RAB11FIP4: variants seen among roughly 807,000 people sequenced by gnomAD.
RAB11FIP4 encodes the protein RAB11 family interacting protein 4.
RAB11FIP4 carries 23 observed loss-of-function variants against 74.3 expected under a neutral mutation model. The observed-to-expected ratio is 0.31, with a 90% CI of 0.22 to 0.44. The LOEUF is 0.44. Among genes scored for constraint, RAB11FIP4 ranks in the 20% least tolerant of loss-of-function variants. RAB11FIP4 has a pLI of 1.00. For missense variants in RAB11FIP4, 630 were observed against 863.9 expected (o/e 0.73, Z 3.39); for synonymous variants, 360 against 359.9 (o/e 1.00, Z 0.00).
Position 31,534,626 on chromosome 17 carries a change from C to T in RAB11FIP4, c.*2894C>T, listed in dbSNP as rs909973500. 2 of 152,126 alleles carry T rather than the reference C, an allele frequency of 1.3e-5. No individual in the cohort carries two copies. The highest frequency in any genetic ancestry group is 2.9e-5 in the Non-Finnish European group (2 of 68,016). The allele number at this position is 152,126 out of a possible 1,614,324, so 9.4% of individuals were successfully genotyped here. A position where few individuals can be genotyped will look rare whatever the true frequency, so the allele number is the denominator to read the frequency against. Reference sequence around the variant, plus strand: ...TGATTAGACTGAATCCTCAGACGTTCTGGTTTGATTGTTGTGGGTGTAGCC... The same window carrying T: ...TGATTAGACTGAATCCTCAGACGTTTTGGTTTGATTGTTGTGGGTGTAGCC... On this transcript the variant is annotated 3_prime_UTR_variant, in exon 15 of 15. Transcript: ENST00000621161.
chr17:31,508,600 T>G (rs1038416538), intron 3 of RAB11FIP4, among the ~76,000 whole-genome samples: 2 of 152,194 alleles, frequency 1.3e-5, no homozygotes, highest in African/African-American at 4.8e-5. Context: ...AGTGCCTGGG[T>G]GCACGCGGCC....
At chr17:31,495,446 C>T (rs1281887236) in intron 3 of RAB11FIP4, among the ~76,000 whole-genome samples, 1 of 146,418 alleles carries the variant, frequency 6.8e-6, no homozygotes, top group Admixed American at 7.2e-5. Flanking sequence ...ACAATCTTGG[C>T]TCACTGTAGC....
chr17:31,468,048 C>A (rs181420886), intron 3 of RAB11FIP4, among the ~76,000 whole-genome samples: 376 of 152,242 alleles, frequency 2.5e-3, no homozygotes, highest in African/African-American at 8.2e-3. Context: ...GTGAGCTGCG[C>A]TGGTCCATTG....
intron 3 of RAB11FIP4, chr17:31,488,237 C>T (rs1413882177): frequency 8.7e-6 from 10 of 1,154,960 alleles, no homozygotes; most frequent in Non-Finnish European, 1.1e-5. Flanking sequence ...GGGGAGCGGC[C>T]CGCGGATGCG....
chr17:31,503,380 T>G (rs1461911152), intron 3 of RAB11FIP4, among the ~76,000 whole-genome samples: 1 of 149,658 alleles, frequency 6.7e-6, no homozygotes, highest in East Asian at 1.9e-4. Flanking sequence ...AGTCACATTC[T>G]GAAGTACTAG....
chr17:31,434,012 G>A (rs36082230), intron 2 of RAB11FIP4, 22 bp from the exon 3 acceptor site: 152,204 of 1,566,960 alleles, frequency 0.097, 8,100 homozygotes, highest in Middle Eastern at 0.11. Context: ...TCACTGTCCC[G>A]TGTGTCTGCC....
intron 3 of RAB11FIP4, among the ~76,000 whole-genome samples, chr17:31,460,161 C>A (rs2071621153): frequency 6.6e-6 from 1 of 152,286 alleles, no homozygotes; most frequent in South Asian, 2.1e-4. Flanking sequence ...GTCTTTGGGT[C>A]TGGTGGAGGA....
chr17:31,439,650 G>C (rs1217949844), intron 3 of RAB11FIP4, among the ~76,000 whole-genome samples: 2 of 152,130 alleles, frequency 1.3e-5, no homozygotes, highest in East Asian at 3.9e-4. Context: ...TCGCTCTACT[G>C]CCCAGGCTGG....
At chr17:31,411,549 C>T (rs1331211715) in intron 1 of RAB11FIP4, among the ~76,000 whole-genome samples, 1 of 152,228 alleles carries the variant, frequency 6.6e-6, no homozygotes, top group Non-Finnish European at 1.5e-5. Flanking sequence ...TGCCACACGC[C>T]TGAGTCCTTT....
intron 1 of RAB11FIP4, among the ~76,000 whole-genome samples, chr17:31,403,132 G>C (rs7405606): frequency 0.82 from 112,023 of 137,384 alleles, 46,172 homozygotes; most frequent in African/African-American, 0.94. Context: ...TGGGTACTGC[G>C]CTGCCCTCAG....
In RAB11FIP4 at chr17:31,461,242, C is replaced by A. The variant is rs79572358; in HGVS notation, c.336+27120C>A. Among the ~76,000 whole-genome samples the A allele has an allele frequency of 1.5e-3, 223 of 152,294 alleles. 1 individual carries two copies. The highest frequency in any genetic ancestry group is 4.9e-3 in the African/African-American group (203 of 41,572). On this transcript the variant is annotated intron_variant, in intron 3 of 14. Coordinates refer to ENST00000621161, the MANE Select transcript of RAB11FIP4 (RefSeq NM_032932.6). ...TGAGGCAGAAAAGCCCCTCCACACG[C>A]ACAAGCCTGGGCCTGGCCTTGGACT...
At chr17:31,499,387 C>T (rs1342858030) in intron 3 of RAB11FIP4, among the ~76,000 whole-genome samples, 1 of 151,910 alleles carries the variant, frequency 6.6e-6, no homozygotes, top group Admixed American at 6.6e-5. Context: ...GATAGAGTTT[C>T]ACTCTGTCGC....
intron 3 of RAB11FIP4, among the ~76,000 whole-genome samples, chr17:31,478,533 C>A (rs1394343862): frequency 1.3e-5 from 2 of 152,186 alleles, no homozygotes; most frequent in Non-Finnish European, 1.5e-5. Flanking sequence ...AGAATTTCAC[C>A]GGCTGATTTG....
At chr17:31,499,732 T>C (rs2072183113) in intron 3 of RAB11FIP4, among the ~76,000 whole-genome samples, 2 of 152,164 alleles carry the variant, frequency 1.3e-5, no homozygotes, top group South Asian at 4.1e-4. Flanking sequence ...CAGAGCAGAC[T>C]GGCCACATGG....
intron 3 of RAB11FIP4, among the ~76,000 whole-genome samples, chr17:31,453,276 A>T (rs1024964891): frequency 6.9e-5 from 10 of 144,606 alleles, no homozygotes; most frequent in Non-Finnish European, 1.2e-4. Flanking sequence ...ACTTGAGCCT[A>T]GGAGGTTGAG....
chr17:31,478,622 C>T (rs921777946), intron 3 of RAB11FIP4, among the ~76,000 whole-genome samples: 1 of 152,194 alleles, frequency 6.6e-6, no homozygotes, highest in East Asian at 1.9e-4. Context: ...AATACTGCTT[C>T]CTTCCCTCCC....
At chr17:31,477,335 G>T (rs1404795540) in intron 3 of RAB11FIP4, among the ~76,000 whole-genome samples, 5 of 152,224 alleles carry the variant, frequency 3.3e-5, no homozygotes, top group South Asian at 2.1e-4. Context: ...TGAGGAGGGG[G>T]CACTTACCTG....
intron 1 of RAB11FIP4, among the ~76,000 whole-genome samples, chr17:31,428,897 A>G (rs1197760236): frequency 1.3e-5 from 2 of 152,146 alleles, no homozygotes; most frequent in African/African-American, 4.8e-5. Flanking sequence ...ATCTATGATC[A>G]TGCCACTGCA....
intron 3 of RAB11FIP4, among the ~76,000 whole-genome samples, chr17:31,453,355 CAAAA>C (rs747844559): frequency 0.016 from 1,171 of 71,816 alleles, 15 homozygotes; most frequent in African/African-American, 0.038. Flanking sequence ...GACCCTACCT[CAAAA>C]AAAAAAAAAA....
Sources: gnomAD v4.1 joint callset for allele counts (sites outside exome capture counted in the v4.1 genomes callset) on GRCh38, gnomAD v4.1.1 for gene constraint, MANE v1.5 for transcripts, NCBI Gene and HGNC (gene_info 2026-07-23, HGNC 2026-07-21) for gene names.